Variants in TMEM132D observed in about 807,000 individuals in gnomAD.
TMEM132D encodes transmembrane protein 132D.
TMEM132D carries 21 observed loss-of-function variants against 62.3 expected under a neutral mutation model. The observed-to-expected ratio is 0.34, with a 90% CI of 0.24 to 0.49. The LOEUF (loss-of-function observed/expected upper bound fraction) is 0.49. Among genes scored for constraint, TMEM132D ranks in the 20% least tolerant of loss-of-function variants. The pLI is 0.99. For missense variants in TMEM132D, 1,346 were observed against 1,402.8 expected, an observed-to-expected ratio of 0.96 and a Z score of 0.65; for synonymous variants, 621 against 575.6, an observed-to-expected ratio of 1.08 and a Z score of -1.13.
intron 2 of TMEM132D, among the ~76,000 whole-genome samples, chr12:129,557,495 A>T (rs560480650): frequency 6.6e-6 from 1 of 152,314 alleles, no homozygotes; most frequent in East Asian, 1.9e-4. Context: ...CAGGAAAATC[A>T]CTGGAGTCCA....
chr12:129,574,968 G>C (rs1173310913), intron 2 of TMEM132D, among the ~76,000 whole-genome samples: 1 of 151,754 alleles, frequency 6.6e-6, no homozygotes, highest in Non-Finnish European at 1.5e-5. Context: ...CCTGCTTGCA[G>C]AGACGCAGCC....
chr12:129,819,797 T>G (rs1426941505), intron 1 of TMEM132D, among the ~76,000 whole-genome samples: 1 of 152,128 alleles, frequency 6.6e-6, no homozygotes, highest in Non-Finnish European at 1.5e-5. Context: ...ATCATCAATA[T>G]TATTTAAACA....
In TMEM132D at chr12:129,084,606, G is replaced by A. The variant is rs765508753; in HGVS notation, c.1540C>T (p.Pro514Ser). 54 of 1,613,966 alleles carry A rather than the reference G, an allele frequency of 3.3e-5. No homozygotes were observed. In the East Asian group the frequency reaches 1.1e-3, roughly 33 times the overall value. The change falls in exon 6 of 9, where the codon CCC (proline) becomes TCC (serine). Residue 514 changes from proline (P) to serine (S), a missense_variant. Coordinates refer to ENST00000422113, the MANE Select transcript of TMEM132D (RefSeq NM_133448.3). Reference protein sequence around the residue: ...VNFTYQHLSSPLEMTVWVPRL... With the variant: ...VNFTYQHLSSSLEMTVWVPRL... The stretch of plus-strand genomic sequence containing the variant: ...GGCACCCACACCGTCATCTCCAGGG[G>A]GCTGCTCAGGTGCTGGTAGGTGAAG...
intron 3 of TMEM132D, among the ~76,000 whole-genome samples, chr12:129,410,725 G>A (rs1871944618): frequency 6.6e-6 from 1 of 152,170 alleles, no homozygotes; most frequent in South Asian, 2.1e-4. Flanking sequence ...AATTTTATTG[G>A]AAGTGAATTG....
At chr12:129,235,634 A>G (rs901201673) in intron 4 of TMEM132D, among the ~76,000 whole-genome samples, 1 of 152,150 alleles carries the variant, frequency 6.6e-6, no homozygotes. Flanking sequence ...CTCATTTAGG[A>G]TATTATAAAT....
At chr12:129,787,940 G>A (rs751348028) in intron 1 of TMEM132D, among the ~76,000 whole-genome samples, 1 of 152,206 alleles carries the variant, frequency 6.6e-6, no homozygotes, top group Non-Finnish European at 1.5e-5. Context: ...TGAGAGGGCA[G>A]GCTGGACAAG....
intron 5 of TMEM132D, among the ~76,000 whole-genome samples, chr12:129,139,955 A>G (rs1025689949): frequency 1.3e-5 from 2 of 151,754 alleles, no homozygotes; most frequent in East Asian, 1.9e-4. Context: ...GGCTCAAGCT[A>G]TCCTCCCTCC....
intron 5 of TMEM132D, among the ~76,000 whole-genome samples, chr12:129,160,939 T>G (rs1205547806): frequency 6.6e-6 from 1 of 152,192 alleles, no homozygotes; most frequent in African/African-American, 2.4e-5. Context: ...TTAGATGAAC[T>G]GAGTTGAGAT....
chr12:129,740,023 A>G (rs928781206), intron 1 of TMEM132D, among the ~76,000 whole-genome samples: 2 of 152,054 alleles, frequency 1.3e-5, no homozygotes, highest in Non-Finnish European at 2.9e-5. Context: ...GTATGGCTGC[A>G]GCTCCCATGG....
intron 1 of TMEM132D, among the ~76,000 whole-genome samples, chr12:129,860,675 C>T (rs1875445): frequency 0.042 from 6,451 of 152,158 alleles, 158 homozygotes; most frequent in Middle Eastern, 0.078. Flanking sequence ...AAAACATATC[C>T]GAGACTGGGT....
At chr12:129,629,618 G>A (rs1267014274) in intron 2 of TMEM132D, among the ~76,000 whole-genome samples, 1 of 151,430 alleles carries the variant, frequency 6.6e-6, no homozygotes, top group African/African-American at 2.4e-5. Context: ...TACTTTATTC[G>A]TGGTGTTGCA....
intron 5 of TMEM132D, among the ~76,000 whole-genome samples, chr12:129,171,843 G>A (rs778194217): frequency 2.6e-5 from 4 of 152,188 alleles, no homozygotes; most frequent in Non-Finnish European, 4.4e-5. Flanking sequence ...CATTTACAGA[G>A]CACAGGCAGA....
intron 5 of TMEM132D, among the ~76,000 whole-genome samples, chr12:129,190,505 T>G: frequency 1.1e-4 from 2 of 18,580 alleles, no homozygotes; most frequent in Non-Finnish European, 9.8e-5. Flanking sequence ...GAGGGAGGGG[T>G]CTCAGGCCTG....
chr12:129,879,203 T>A (rs1874520988), intron 1 of TMEM132D, among the ~76,000 whole-genome samples: 3 of 152,190 alleles, frequency 2.0e-5, no homozygotes, highest in Admixed American at 1.3e-4. Context: ...CTTTCCTAGA[T>A]CACAGTCTCA....
At chr12:129,458,067 C>T (rs935976875) in intron 3 of TMEM132D, among the ~76,000 whole-genome samples, 3 of 152,162 alleles carry the variant, frequency 2.0e-5, no homozygotes, top group African/African-American at 7.2e-5. Flanking sequence ...CTGATAATAT[C>T]GTACTCTCCC....
chr12:129,297,172 T>C (rs1881599534), intron 4 of TMEM132D, among the ~76,000 whole-genome samples: 1 of 152,184 alleles, frequency 6.6e-6, no homozygotes, highest in African/African-American at 2.4e-5. Context: ...TGGAGTTTGT[T>C]GCCACAGTAG....
intron 1 of TMEM132D, among the ~76,000 whole-genome samples, chr12:129,838,583 GTAAAAAATATTTGTGCCATA>G (rs1873078925): frequency 6.6e-6 from 1 of 152,056 alleles, no homozygotes; most frequent in Non-Finnish European, 1.5e-5. Flanking sequence ...GTTAAACTGG[GTAAAAAATATTTGTGCCATA>G]TATGATCAAG....
intron 3 of TMEM132D, among the ~76,000 whole-genome samples, chr12:129,511,188 CCTTCT>C (rs1232263276): frequency 2.6e-5 from 4 of 152,114 alleles, no homozygotes; most frequent in Non-Finnish European, 5.9e-5. Context: ...AATTCAATTC[CCTTCT>C]CTTCTCTGGT....
In TMEM132D at chr12:129,277,303, G is replaced by A. The variant is rs1379466319; in HGVS notation, c.1299+60331C>T. ...TCAACAATGAGGTCCAGACTTAGAG[G>A]TATTTGTGTCAAATTAAGGCTTCCA... On this transcript the variant is annotated intron_variant, in intron 4 of 8. Transcript: ENST00000422113. The surrounding 1 kb of genome is among the most constrained non-coding windows in gnomAD (Gnocchi z 4.2). Among the ~76,000 whole-genome samples, 1 of 152,100 alleles carries A rather than the reference G, an allele frequency of 6.6e-6. No individual in the cohort carries two copies. The highest frequency in any genetic ancestry group is 1.5e-5 in the Non-Finnish European group (1 of 68,028).
Sources: gnomAD v4.1 joint callset for allele counts (sites outside exome capture counted in the v4.1 genomes callset) on GRCh38, gnomAD v4.1.1 for gene constraint, Gnocchi (gnomAD v3.1) non-coding constraint, MANE v1.5 for transcripts, NCBI Gene and HGNC (gene_info 2026-07-23, HGNC 2026-07-21) for gene names.